Variants in DNAJC7 observed in about 807,000 individuals in gnomAD.
DNAJC7 encodes dnaJ homolog subfamily C member 7.
Under a neutral mutation model 67.4 loss-of-function variants are expected in DNAJC7, and 18 were observed. The observed-to-expected ratio is 0.27, with a 90% CI of 0.18 to 0.40. The LOEUF is 0.40. Among genes scored for constraint, DNAJC7 ranks in the 10% least tolerant of loss-of-function variants. The probability of loss-of-function intolerance (pLI) is 1.00; values close to 1 mark genes in which losing one functional copy is unlikely to be tolerated. For synonymous variants in DNAJC7, 220 were observed against 207.8 expected, an observed-to-expected ratio of 1.06 and a Z score of -0.50; for missense variants, 419 against 613.8, an observed-to-expected ratio of 0.68 and a Z score of 3.35.
intron 3 of DNAJC7, 24 bp downstream of exon 3, chr17:41,997,091 C>T (rs782180236): frequency 6.2e-7 from 1 of 1,613,496 alleles, no homozygotes; most frequent in African/African-American, 1.3e-5. Context: ...CAGCCTTCCC[C>T]AAACAGCCCC....
chr17:42,006,761 C>T (rs1480393240), intron 1 of DNAJC7, among the ~76,000 whole-genome samples: 1 of 135,266 alleles, frequency 7.4e-6, no homozygotes, highest in Non-Finnish European at 1.5e-5. Context: ...TACACCACTG[C>T]ACTCCAGCCT....
chr17:41,988,462 A>C (rs1279474856), intron 8 of DNAJC7, among the ~76,000 whole-genome samples: 1 of 152,258 alleles, frequency 6.6e-6, no homozygotes, highest in African/African-American at 2.4e-5. Flanking sequence ...TAGGTGCTTA[A>C]GATTATCCCA....
intron 13 of DNAJC7, 73 bp from the exon 14 acceptor site, chr17:41,976,843 A>G (rs1329161615): frequency 3.2e-6 from 5 of 1,568,326 alleles, no homozygotes; most frequent in Non-Finnish European, 4.3e-6. Context: ...TGATTATGGA[A>G]AAGTCTTCAA....
chr17:42,011,108 G>A (rs1434290652), intron 1 of DNAJC7: 2 of 152,204 alleles, frequency 1.3e-5, no homozygotes, highest in Admixed American at 1.3e-4. Flanking sequence ...GGGGACCAAA[G>A]ACTAGTGCAG....
intron 1 of DNAJC7, among the ~76,000 whole-genome samples, chr17:42,009,537 T>C (rs1260901048): frequency 1.3e-5 from 2 of 152,216 alleles, no homozygotes; most frequent in African/African-American, 4.8e-5. Flanking sequence ...GAAATACTTG[T>C]CTCAACGGTG....
intron 1 of DNAJC7, among the ~76,000 whole-genome samples, chr17:42,005,948 A>T (rs762081136): frequency 1.0e-3 from 136 of 131,052 alleles, no homozygotes; most frequent in South Asian, 2.7e-3. Flanking sequence ...TATTTATTTA[A>T]TTTTTTTTAT....
intron 6 of DNAJC7, among the ~76,000 whole-genome samples, 163 bp downstream of exon 6, chr17:41,990,101 T>G (rs1555647491): frequency 6.6e-6 from 1 of 152,248 alleles, no homozygotes; most frequent in African/African-American, 2.4e-5. Context: ...CTGTATACCC[T>G]ACGGGTTTTC....
chr17:41,997,052 G>C, intron 3 of DNAJC7, 63 bp downstream of exon 3: 3 of 1,606,496 alleles, frequency 1.9e-6, no homozygotes, highest in Non-Finnish European at 2.6e-6. Flanking sequence ...TGAGAAATAC[G>C]GGGCTAGAGA....
In DNAJC7 at chr17:41,982,017, G is replaced by A. The variant is rs2051264083; in HGVS notation, c.1232-10C>T. ...GCTCCACTATGCCGATCTAAAGTGGGGAGTAAAAGAACAACTCAGTGGAAA... is the reference window on the plus strand; with the variant it reads ...GCTCCACTATGCCGATCTAAAGTGGAGAGTAAAAGAACAACTCAGTGGAAA... On this transcript the variant is annotated splice_polypyrimidine_tract_variant and intron_variant, in intron 11 of 13. Transcript: ENST00000457167. The A allele has an allele frequency of 6.2e-7, 1 of 1,610,718 alleles. No homozygotes were observed. Among genetic ancestry groups the A allele is most frequent in the Admixed American group, 1.7e-5 (1 of 59,080 alleles).
rs71705091 is a variant in DNAJC7, at chr17:41,976,461, CTTT to C, written c.*269_*271del. The C allele has an allele frequency of 1.1e-4, 36 of 336,062 alleles. No homozygotes were observed. The highest frequency in any genetic ancestry group is 7.9e-4 in the Middle Eastern group (1 of 1,268). 20.8% of individuals were successfully genotyped at this position (336,062 alleles called of 1,614,324 possible). A position where few individuals can be genotyped will look rare whatever the true frequency, so the allele number is the denominator to read the frequency against. ...AGGAAGGGTCAAAACATTTTATTCTCTTTTTTTTTTCTTTTTTAATAAAGTTAA... is the reference window on the plus strand; with the variant it reads ...AGGAAGGGTCAAAACATTTTATTCTCTTTTTTTCTTTTTTAATAAAGTTAA... On this transcript the variant is annotated 3_prime_UTR_variant, in exon 14 of 14. Coordinates refer to ENST00000457167, the MANE Select transcript of DNAJC7 (RefSeq NM_003315.4).
At chr17:41,990,510 A>G (rs367980872) in intron 5 of DNAJC7, 128 bp from the exon 6 acceptor site, 3 of 720,316 alleles carry the variant, frequency 4.2e-6, no homozygotes, top group Non-Finnish European at 7.1e-6. Flanking sequence ...AAGTAATATC[A>G]AAGTTTAAAA....
Position 41,976,619 on chromosome 17 carries a change from C to G in DNAJC7, c.*114G>C, listed in dbSNP as rs370498974. ...GACACAGGGCATCCAACTGAGAAAA[C>G]GAAACTGCTCTAAGCACACGGAGAC... On this transcript the variant is annotated 3_prime_UTR_variant, in exon 14 of 14. Transcript: ENST00000457167. The G allele has an allele frequency of 7.2e-7, 1 of 1,395,974 alleles. No homozygotes were observed. The highest frequency in any genetic ancestry group is 9.7e-7 in the Non-Finnish European group (1 of 1,035,680). The allele number at this position is 1,395,974 out of a possible 1,614,324, so 86.5% of individuals were successfully genotyped here. A position where few individuals can be genotyped will look rare whatever the true frequency, so the allele number is the denominator to read the frequency against.
In DNAJC7 at chr17:41,977,828, C is replaced by T. The variant is rs147662422; in HGVS notation, c.1385-505G>A. The T allele has an allele frequency of 5.3e-4, 81 of 153,564 alleles. 1 individual carries two copies. Among genetic ancestry groups the T allele is most frequent in the Non-Finnish European group, 8.4e-4 (58 of 68,968 alleles). 9.5% of individuals were successfully genotyped at this position (153,564 alleles called of 1,614,324 possible). A position where few individuals can be genotyped will look rare whatever the true frequency, so the allele number is the denominator to read the frequency against. On this transcript the variant is annotated intron_variant, in intron 12 of 13. Transcript: ENST00000457167. Reference sequence around the variant, plus strand: ...TTTATTAGCTGGGCGTGGTGGCTCACACCTATAATCCCAGTGCTTTGGGAG... The same window carrying T: ...TTTATTAGCTGGGCGTGGTGGCTCATACCTATAATCCCAGTGCTTTGGGAG...
At chr17:41,988,980 GT>G (rs2051447284) in intron 7 of DNAJC7, 84 bp from the exon 8 acceptor site, 1 of 1,519,698 alleles carries the variant, frequency 6.6e-7, no homozygotes, top group South Asian at 1.2e-5. Flanking sequence ...CTATTTTCAA[GT>G]TCTTTGCTTC....
chr17:41,986,623 C>T (rs2051388996), intron 9 of DNAJC7, among the ~76,000 whole-genome samples: 1 of 146,604 alleles, frequency 6.8e-6, no homozygotes, highest in African/African-American at 2.5e-5. Context: ...CAGTCTTTGG[C>T]TGAATCAAAG....
At chr17:42,000,354 A>G (rs2051775859) in intron 2 of DNAJC7, 128 bp downstream of exon 2, 1 of 625,388 alleles carries the variant, frequency 1.6e-6, no homozygotes, top group African/African-American at 1.9e-5. Context: ...CCTGATCTAA[A>G]GTGATCCTCC....
intron 7 of DNAJC7, 72 bp downstream of exon 7, chr17:41,989,332 C>A: frequency 1.9e-6 from 3 of 1,559,046 alleles, no homozygotes; most frequent in Non-Finnish European, 2.6e-6. Flanking sequence ...ATTCTAAAAC[C>A]TTCCACTCTA....
intron 5 of DNAJC7, among the ~76,000 whole-genome samples, chr17:41,993,718 T>TAATA (rs554957908): frequency 2.2e-4 from 34 of 152,106 alleles, no homozygotes; most frequent in Admixed American, 1.4e-3. Flanking sequence ...AGATAAAGCA[T>TAATA]AATAACTGCG....
chr17:42,000,226 C>A (rs923579668), intron 2 of DNAJC7, among the ~76,000 whole-genome samples: 1 of 151,070 alleles, frequency 6.6e-6, no homozygotes, highest in Admixed American at 6.6e-5. Flanking sequence ...TCAGGCAATT[C>A]TCCTGCCTCA....
Sources: allele counts gnomAD v4.1 joint callset (sites outside exome capture counted in the v4.1 genomes callset), GRCh38; gene constraint gnomAD v4.1.1; transcripts MANE v1.5; gene names NCBI Gene and HGNC (gene_info 2026-07-23, HGNC 2026-07-21).